PKP2: variants seen among roughly 807,000 people sequenced by gnomAD.
PKP2 encodes plakophilin-2.
A neutral mutation model predicts 83.4 loss-of-function variants in PKP2; 73 were observed. The ratio of observed to expected loss-of-function variants is 0.88; its 90% CI spans 0.72 to 1.06. The LOEUF (loss-of-function observed/expected upper bound fraction) is 1.06, where lower values mean the gene tolerates loss of function less well. Ranked by LOEUF, PKP2 falls within the 50% of genes least tolerant of loss-of-function variation. The pLI, the probability that PKP2 is intolerant of heterozygous loss-of-function variation, is 0.00. For missense variants in PKP2, 966 were observed against 1,065.4 expected, an observed-to-expected ratio of 0.91 and a Z score of 1.30; for synonymous variants, 409 against 430.4, an observed-to-expected ratio of 0.95 and a Z score of 0.62.
At chr12:32,882,120 C>T (rs1353301889) in intron 1 of PKP2, among the ~76,000 whole-genome samples, 1 of 152,148 alleles carries the variant, frequency 6.6e-6, no homozygotes, top group African/African-American at 2.4e-5. Flanking sequence ...CACAGCCAGG[C>T]AGAACATTAT....
chr12:32,891,041 TACTC>T (rs1446156566), intron 1 of PKP2, among the ~76,000 whole-genome samples: 1 of 152,136 alleles, frequency 6.6e-6, no homozygotes, highest in Admixed American at 6.5e-5. Flanking sequence ...TTAGTAGTCT[TACTC>T]TACTAGTCAG....
chr12:32,814,404 C>T (rs569410521), intron 9 of PKP2, among the ~76,000 whole-genome samples: 3 of 152,278 alleles, frequency 2.0e-5, no homozygotes, highest in Admixed American at 2.0e-4. Flanking sequence ...TGTGTTCACT[C>T]AGAGACATGT....
chr12:32,826,305 C>CAAA (rs71068338), intron 6 of PKP2, among the ~76,000 whole-genome samples: 9 of 84,658 alleles, frequency 1.1e-4, no homozygotes, highest in African/African-American at 1.8e-4. Context: ...GACACCGTCT[C>CAAA]AAAAAAAAAA....
At chr12:32,804,128 G>A (rs1956204484) in intron 9 of PKP2, among the ~76,000 whole-genome samples, 1 of 152,216 alleles carries the variant, frequency 6.6e-6, no homozygotes, top group African/African-American at 2.4e-5. Flanking sequence ...CTACCATGCT[G>A]TGTTTTGATG....
intron 3 of PKP2, among the ~76,000 whole-genome samples, chr12:32,875,728 T>C (rs996710679): frequency 2.0e-5 from 3 of 152,104 alleles, no homozygotes; most frequent in Non-Finnish European, 2.9e-5. Context: ...GGCTTGGTGA[T>C]AGGTGACTAC....
intron 4 of PKP2, among the ~76,000 whole-genome samples, chr12:32,858,087 ATAT>A (rs1565592656): frequency 0.017 from 944 of 56,244 alleles, 41 homozygotes; most frequent in Middle Eastern, 0.019. Flanking sequence ...AAAAAAAAAT[ATAT>A]ATATATATAT....
At chr12:32,873,085 C>T (rs752749752) in intron 3 of PKP2, among the ~76,000 whole-genome samples, 8 of 152,246 alleles carry the variant, frequency 5.3e-5, no homozygotes, top group African/African-American at 1.7e-4. Context: ...TCCCAGAGCA[C>T]GATGCTCTTG....
intron 9 of PKP2, among the ~76,000 whole-genome samples, chr12:32,809,386 T>C (rs955206203): frequency 2.0e-5 from 3 of 152,136 alleles, no homozygotes; most frequent in Non-Finnish European, 2.9e-5. Flanking sequence ...CAGGCTGGAA[T>C]GTGCAGTTGA....
intron 7 of PKP2, among the ~76,000 whole-genome samples, chr12:32,823,759 C>A (rs1406962082): frequency 6.6e-6 from 1 of 151,996 alleles, no homozygotes; most frequent in Non-Finnish European, 1.5e-5. Flanking sequence ...CGCCACCACG[C>A]CCGGCTATAT....
At chr12:32,869,365 A>G (rs1319484296) in intron 3 of PKP2, among the ~76,000 whole-genome samples, 4 of 152,020 alleles carry the variant, frequency 2.6e-5, no homozygotes, top group Non-Finnish European at 5.9e-5. Flanking sequence ...TGGGCGGATC[A>G]CTTGAGGTCA....
chr12:32,875,579 A>G (rs926400641), intron 3 of PKP2, among the ~76,000 whole-genome samples: 12 of 152,294 alleles, frequency 7.9e-5, no homozygotes, highest in African/African-American at 2.6e-4. Context: ...GAAGGGTTAT[A>G]AACAATCACA....
chr12:32,869,135 G>A (rs1956876742), intron 3 of PKP2, 73 bp from the exon 4 acceptor site: 3 of 1,566,954 alleles, frequency 1.9e-6, no homozygotes, highest in Non-Finnish European at 2.6e-6. Flanking sequence ...GTCCTCCAGA[G>A]ACGACTCAGC....
chr12:32,839,392 T>C lies in PKP2; in HGVS notation c.1556+1636A>G, dbSNP rs1159449205. On this transcript the variant is annotated intron_variant, in intron 6 of 12. Transcript: ENST00000340811. ...ATGTGCACTTTTTTTTTTTTTTTTT[T>C]GTGGCTAAGCAAGGGCTGCCTACGA... is the stretch of plus-strand genomic sequence containing the variant. Among the ~76,000 whole-genome samples the C allele has an allele frequency of 3.3e-5, 5 of 150,266 alleles. No homozygotes were observed. The Admixed American group carries it at 3.3e-4, about 10-fold the overall frequency.
rs1292498500 is a variant in PKP2, at chr12:32,878,005, T to G, written c.875A>C (p.Gln292Pro). The change falls in exon 3 of 13, where the codon CAG becomes CCG. Residue 292 changes from glutamine to proline, a missense_variant. Transcript: ENST00000340811. ...CGTGCGGGTGCTGTGGAAGGAGCTC[T>G]GATGCCAGGAGGACCTGGAAGCCCT... The part of the protein sequence containing the change: ...QNRASRSSWH[Q>P]SSFHSTRTLR... 16 of 1,613,934 alleles carry G rather than the reference T, an allele frequency of 9.9e-6. No homozygotes were observed. The highest frequency in any genetic ancestry group is 1.3e-5 in the Non-Finnish European group (15 of 1,180,048).
chr12:32,800,303 A>C (rs59404292), intron 10 of PKP2, among the ~76,000 whole-genome samples: 7,465 of 152,250 alleles, frequency 0.049, 586 homozygotes, highest in African/African-American at 0.17. Context: ...CTTGAAGCCA[A>C]TTATCTTACT....
At chr12:32,803,916 T>A (rs1956203224) in intron 9 of PKP2, among the ~76,000 whole-genome samples, 2 of 152,214 alleles carry the variant, frequency 1.3e-5, no homozygotes, top group South Asian at 4.1e-4. Context: ...GCATCACCAT[T>A]ATTCCTGACT....
intron 3 of PKP2, among the ~76,000 whole-genome samples, chr12:32,877,175 C>T (rs1450964735): frequency 2.0e-5 from 3 of 152,106 alleles, no homozygotes; most frequent in South Asian, 2.1e-4. Flanking sequence ...CTCTTAGTAA[C>T]GTGCACAGTT....
In PKP2 at chr12:32,841,155, T is replaced by C. The variant is rs775192286; in HGVS notation, c.1429A>G (p.Thr477Ala). 85 of 1,613,536 alleles carry C rather than the reference T, an allele frequency of 5.3e-5. No homozygotes were observed. Among genetic ancestry groups the C allele is most frequent in the Admixed American group, 8.3e-5 (5 of 60,004 alleles). Residue 477 changes from threonine to alanine, a missense_variant, in exon 6 of 13, where the codon ACA becomes GCA. Transcript: ENST00000340811. The part of the protein sequence containing the change: ...SNDKLKNLMI[T>A]EALLTLTENI... Reference sequence around the variant, plus strand: ...TCCGTCAGCGTAAGCAATGCTTCTGTTATCATGAGATTCTTGAGTTTGTCA... The same window carrying C: ...TCCGTCAGCGTAAGCAATGCTTCTGCTATCATGAGATTCTTGAGTTTGTCA...
intron 6 of PKP2, among the ~76,000 whole-genome samples, chr12:32,828,379 G>A (rs1471103990): frequency 1.3e-5 from 2 of 152,188 alleles, no homozygotes. Flanking sequence ...GTTAATGGTT[G>A]AGATTAATGA....
Sources: gnomAD v4.1 joint callset for allele counts (sites outside exome capture counted in the v4.1 genomes callset) on GRCh38, gnomAD v4.1.1 for gene constraint, MANE v1.5 for transcripts, NCBI Gene and HGNC (gene_info 2026-07-23, HGNC 2026-07-21) for gene names.